PAX2: variants seen among roughly 807,000 people sequenced by gnomAD.
PAX2 encodes the protein paired box 2, also known as paired box protein Pax-2.
A neutral mutation model predicts 41.7 loss-of-function variants in PAX2; 9 were observed. The ratio of observed to expected loss-of-function variants is 0.22; its 90% CI spans 0.13 to 0.38. The LOEUF is 0.38. Ranked by LOEUF, PAX2 falls within the 10% of genes least tolerant of loss-of-function variation. The probability of loss-of-function intolerance (pLI) is 1.00; values close to 1 mark genes in which losing one functional copy is unlikely to be tolerated. For missense variants in PAX2, 418 were observed against 531.6 expected (o/e 0.79, Z 2.10); for synonymous variants, 221 against 212.7 (o/e 1.04, Z -0.34).
chr10:100,824,823 T>C lies in PAX2; in HGVS notation c.1021+74T>C. 1 of 1,496,392 alleles carries C rather than the reference T, an allele frequency of 6.7e-7. No homozygotes were observed. The highest frequency in any genetic ancestry group is 9.3e-7 in the Non-Finnish European group (1 of 1,072,698). The allele number at this position is 1,496,392 out of a possible 1,614,324, so 92.7% of individuals were successfully genotyped here. Reference sequence around the variant, plus strand: ...TGTGGGTGAGCTGCTGAATGGTCTGTAGTCTGAGGCTGGGGTGGGGGGAGA... The same window carrying C: ...TGTGGGTGAGCTGCTGAATGGTCTGCAGTCTGAGGCTGGGGTGGGGGGAGA... On this transcript the variant is annotated intron_variant, in intron 8 of 9. Coordinates refer to ENST00000355243, the MANE Select transcript of PAX2 (RefSeq NM_000278.5). This position sits in a 1 kb window ranked among gnomAD's most constrained non-coding sequence, Gnocchi z 6.6.
intron 7 of PAX2, among the ~76,000 whole-genome samples, chr10:100,814,658 A>G (rs528522540): frequency 2.6e-4 from 40 of 152,260 alleles, no homozygotes; most frequent in Non-Finnish European, 4.7e-4. Flanking sequence ...TTAGAGAGCT[A>G]GAGATGGGCA....
chr10:100,790,062 C>T (rs1847040391), intron 5 of PAX2, among the ~76,000 whole-genome samples: 1 of 152,038 alleles, frequency 6.6e-6, no homozygotes, highest in Non-Finnish European at 1.5e-5. Context: ...AGACAGCAGC[C>T]AAATCACCAA....
rs1462521439 is a variant in PAX2, at chr10:100,750,711, G to A, written c.230G>A (p.Ser77Asn). The change falls in exon 3 of 10, where the codon AGC becomes AAC. Residue 77 changes from serine to asparagine, a missense_variant. Physicochemically the swap from Ser to Asn is conservative, Grantham distance 46. Coordinates refer to ENST00000355243, the MANE Select transcript of PAX2 (RefSeq NM_000278.5). The surrounding 1 kb of genome is among the most constrained non-coding windows in gnomAD (Gnocchi z 4.1). ...CGGCGCAGGTACTACGAGACCGGCA[G>A]CATCAAGCCGGGTGTGATCGGTGGC... is the stretch of plus-strand genomic sequence containing the variant. The part of the protein sequence containing the change: ...KILGRYYETG[S>N]IKPGVIGGSK... The A allele has an allele frequency of 3.1e-6, 5 of 1,614,188 alleles. No individual in the cohort carries two copies. Among genetic ancestry groups the A allele is most frequent in the Non-Finnish European group, 4.2e-6 (5 of 1,180,024 alleles).
rs554914427 is a variant in PAX2 at position 100,758,392 on chromosome 10, G to A, written c.410+7501G>A. On this transcript the variant is annotated intron_variant, in intron 3 of 9. Coordinates refer to ENST00000355243, the MANE Select transcript of PAX2 (RefSeq NM_000278.5). ...CCTGACCTCGTGATCCGCCCGCCTC[G>A]GCCTCCCAGATTGCTGGGATTACAG... 2.2e-4 allele frequency among the ~76,000 whole-genome samples: 34 copies of A among 152,096 alleles called. No individual in the cohort carries two copies. In the East Asian group the frequency reaches 6.0e-3, roughly 27 times the overall value.
Position 100,807,215 on chromosome 10 carries a change from G to A in PAX2, c.792+610G>A, listed in dbSNP as rs1009258041. 4.6e-5 allele frequency among the ~76,000 whole-genome samples: 7 copies of A among 152,106 alleles called. No individual in the cohort carries two copies. The East Asian group carries it at 9.6e-4, about 21-fold the overall frequency. Reference sequence around the variant, plus strand: ...ACAGCATGTAACACACCAGCAAAACGCACAACGCAGAAACCATCTCCGAAC... The same window carrying A: ...ACAGCATGTAACACACCAGCAAAACACACAACGCAGAAACCATCTCCGAAC... On this transcript the variant is annotated intron_variant, in intron 6 of 9. Transcript: ENST00000355243.
chr10:100,735,510 G>C (rs1051593176), exon 1 of PAX2: 5 of 275,550 alleles, frequency 1.8e-5, no homozygotes, highest in Non-Finnish European at 2.5e-5. Context: ...CTGCGCGGCC[G>C]GGAGTGAGAG....
chr10:100,755,571 C>T lies in PAX2; in HGVS notation c.410+4680C>T, dbSNP rs551753284. Among the ~76,000 whole-genome samples, 26 of 152,190 alleles carry T rather than the reference C, an allele frequency of 1.7e-4. 1 individual carries two copies. Among genetic ancestry groups the T allele is most frequent in the Non-Finnish European group, 3.4e-4 (23 of 68,036 alleles). Reference sequence around the variant, plus strand: ...TAACCTACTCAATTGCTTTTATTATCGCTCAGGCTGCCTCCATTTATTACC... The same window carrying T: ...TAACCTACTCAATTGCTTTTATTATTGCTCAGGCTGCCTCCATTTATTACC... On this transcript the variant is annotated intron_variant, in intron 3 of 9. Transcript: ENST00000355243.
At chr10:100,743,564 C>A (rs1845040815), upstream of PAX2, among the ~76,000 whole-genome samples, 1 of 152,198 alleles carries the variant, frequency 6.6e-6, no homozygotes, top group South Asian at 2.1e-4. Context: ...CCTTTCTCAA[C>A]GTTCCTTTCA....
At position 100,748,426 on chromosome 10, in the gene PAX2, C is replaced by T. The variant is rs867381333; in HGVS notation, c.44-1320C>T. The T allele has an allele frequency of 4.1e-6, 4 of 985,044 alleles. No homozygotes were observed. The highest frequency in any genetic ancestry group is 1.1e-4 in the East Asian group (1 of 8,782). 61.0% of individuals were successfully genotyped at this position (985,044 alleles called of 1,614,324 possible). ...GTTTCACCGAGCTTGCTCTAGGTAC[C>T]CCCCGAGAAAGGGAGGGGAGAGAAA... is the stretch of plus-strand genomic sequence containing the variant. On this transcript the variant is annotated intron_variant, in intron 1 of 9. Transcript: ENST00000355243. The surrounding 1 kb of genome is among the most constrained non-coding windows in gnomAD (Gnocchi z 5.0).
chr10:100,750,936 G>C lies in PAX2; in HGVS notation c.410+45G>C. 3.4e-6 allele frequency: 5 copies of C among 1,458,664 alleles called. No individual in the cohort carries two copies. Among genetic ancestry groups the C allele is most frequent in the East Asian group, 4.5e-5 (2 of 44,156 alleles). 90.4% of individuals were successfully genotyped at this position (1,458,664 alleles called of 1,614,324 possible). A position where few individuals can be genotyped will look rare whatever the true frequency, so the allele number is the denominator to read the frequency against. On this transcript the variant is annotated intron_variant, in intron 3 of 9. Transcript: ENST00000355243. The surrounding 1 kb of genome is among the most constrained non-coding windows in gnomAD (Gnocchi z 4.1). ...TTTCAGGGCTGGACTCCAGCTCCTGGCTCCTGCCTGCAGGGGTGTCCCACG... is the reference window on the plus strand; with the variant it reads ...TTTCAGGGCTGGACTCCAGCTCCTGCCTCCTGCCTGCAGGGGTGTCCCACG...
rs1217248744 is a variant in PAX2 at position 100,791,126 on chromosome 10, C to A, written c.616+9761C>A. On this transcript the variant is annotated intron_variant, in intron 5 of 9. Coordinates refer to ENST00000355243, the MANE Select transcript of PAX2 (RefSeq NM_000278.5). The surrounding 1 kb of genome is among the most constrained non-coding windows in gnomAD (Gnocchi z 4.5). Reference sequence around the variant, plus strand: ...CTCCAGGTGGCTCCTAATTTGGCTGCCCCCATGAAATGTCAGCATCCCCTC... The same window carrying A: ...CTCCAGGTGGCTCCTAATTTGGCTGACCCCATGAAATGTCAGCATCCCCTC... Among the ~76,000 whole-genome samples, 1 of 152,192 alleles carries A rather than the reference C, an allele frequency of 6.6e-6. No homozygotes were observed. Among genetic ancestry groups the A allele is most frequent in the Admixed American group, 6.5e-5 (1 of 15,288 alleles).
At chr10:100,805,146 C>T (rs899308224) in intron 5 of PAX2, among the ~76,000 whole-genome samples, 1 of 152,050 alleles carries the variant, frequency 6.6e-6, no homozygotes, top group Admixed American at 6.6e-5. Context: ...GGAAAGCAAA[C>T]CCCATGCTCG....
Position 100,826,450 on chromosome 10 carries a change from T to G in PAX2, c.1022-559T>G, listed in dbSNP as rs1056499232. On this transcript the variant is annotated intron_variant, in intron 8 of 9. Transcript: ENST00000355243. This position sits in a 1 kb window ranked among gnomAD's most constrained non-coding sequence, Gnocchi z 5.5. ...GTCCACCTGCGCCGCCTCCATCCCC[T>G]GCCGCGTAGCCCACGCATCCAACCT... Among the ~76,000 whole-genome samples, 2 of 152,136 alleles carry G rather than the reference T, an allele frequency of 1.3e-5. No homozygotes were observed. The highest frequency in any genetic ancestry group is 2.9e-5 in the Non-Finnish European group (2 of 68,008).
chr10:100,788,485 C>A (rs1184069456), intron 5 of PAX2, among the ~76,000 whole-genome samples: 1 of 152,228 alleles, frequency 6.6e-6, no homozygotes, highest in Non-Finnish European at 1.5e-5. Context: ...TCGGGTGCAG[C>A]CTGCCATGTT....
At chr10:100,813,284 G>A (rs1848062704) in intron 7 of PAX2, among the ~76,000 whole-genome samples, 2 of 152,224 alleles carry the variant, frequency 1.3e-5, no homozygotes. Context: ...TTTAGTCACA[G>A]AGAGGTAAAG....
intron 3 of PAX2, among the ~76,000 whole-genome samples, chr10:100,759,372 T>C (rs536272436): frequency 6.6e-6 from 1 of 152,140 alleles, no homozygotes; most frequent in African/African-American, 2.4e-5. Context: ...ACCTCATGAG[T>C]GTGCCGCAAT....
At chr10:100,735,622 C>G in exon 1 of PAX2, 1 of 1,022,586 alleles carries the variant, frequency 9.8e-7, no homozygotes, top group Non-Finnish European at 1.2e-6. Context: ...GCGGCGGCGG[C>G]GGCGAAGGCG....
intron 5 of PAX2, chr10:100,786,797 C>A: frequency 2.1e-6 from 1 of 478,954 alleles, no homozygotes; most frequent in Non-Finnish European, 4.2e-6. Flanking sequence ...GCCCTTACAG[C>A]CAGGCTGTGA....
At chr10:100,784,239 C>T (rs1846756742) in intron 5 of PAX2, among the ~76,000 whole-genome samples, 1 of 152,262 alleles carries the variant, frequency 6.6e-6, no homozygotes, top group Admixed American at 6.5e-5. Flanking sequence ...AAGCAGCTGG[C>T]AGGCCAGTCA....
Sources: allele counts gnomAD v4.1 joint callset (sites outside exome capture counted in the v4.1 genomes callset), GRCh38; gene constraint gnomAD v4.1.1; non-coding constraint Gnocchi (gnomAD v3.1); transcripts MANE v1.5; gene names NCBI Gene and HGNC (gene_info 2026-07-23, HGNC 2026-07-21).